Variants in CAGE1 observed in about 807,000 individuals in gnomAD.
CAGE1 encodes cancer antigen 1.
CAGE1 carries 66 observed loss-of-function variants against 94.9 expected under a neutral mutation model. The observed-to-expected ratio is 0.70, with a 90% CI of 0.57 to 0.85. The LOEUF (loss-of-function observed/expected upper bound fraction) is 0.85, where lower values mean the gene tolerates loss of function less well. CAGE1 is among the 40% of genes least tolerant of loss of function. The pLI is 0.00. For missense variants in CAGE1, 865 were observed against 950.4 expected, an observed-to-expected ratio of 0.91 and a Z score of 1.18; for synonymous variants, 319 against 321.0, an observed-to-expected ratio of 0.99 and a Z score of 0.07.
At position 7,362,454 on chromosome 6, in the gene CAGE1, A is replaced by G. The variant is rs1760196118; in HGVS notation, c.2193+3014T>C. 6.6e-6 allele frequency among the ~76,000 whole-genome samples: 1 copy of G among 152,142 alleles called. No individual in the cohort carries two copies. The highest frequency in any genetic ancestry group is 1.5e-5 in the Non-Finnish European group (1 of 68,040). On this transcript the variant is annotated intron_variant, in intron 9 of 13. Coordinates refer to ENST00000502583, the MANE Select transcript of CAGE1 (RefSeq NM_001170692.2). The surrounding 1 kb of genome is among the most constrained non-coding windows in gnomAD (Gnocchi z 4.1). ...GACCAGGAGACATTTTGCACTTGAC[A>G]GTTAAACACCCAGGATGCTTGAGCC... is the stretch of plus-strand genomic sequence containing the variant.
intron 9 of CAGE1, among the ~76,000 whole-genome samples, chr6:7,363,176 A>G (rs917356444): frequency 6.6e-6 from 1 of 152,178 alleles, no homozygotes; most frequent in Non-Finnish European, 1.5e-5. Context: ...AGGCTGAGGC[A>G]GGAGAATCGC....
At chr6:7,348,181 C>T (rs1270515190) in intron 11 of CAGE1, among the ~76,000 whole-genome samples, 1 of 152,188 alleles carries the variant, frequency 6.6e-6, no homozygotes, top group East Asian at 1.9e-4. Flanking sequence ...TTTCACCCCC[C>T]TGCCACGTCC....
intron 13 of CAGE1, among the ~76,000 whole-genome samples, chr6:7,327,881 G>C (rs990987890): frequency 7.2e-5 from 11 of 152,112 alleles, no homozygotes; most frequent in Non-Finnish European, 1.5e-4. Context: ...AGTGAGCCGA[G>C]ATTGCGCCAT....
chr6:7,382,250 T>C (rs1020579936), intron 3 of CAGE1, among the ~76,000 whole-genome samples: 1 of 152,126 alleles, frequency 6.6e-6, no homozygotes, highest in Non-Finnish European at 1.5e-5. Flanking sequence ...TATTATACTT[T>C]GGCCATACAG....
At position 7,373,096 on chromosome 6, in the gene CAGE1, C is replaced by T. The variant is rs763960552; in HGVS notation, c.1723G>A (p.Val575Ile). Residue 575 changes from valine to isoleucine, a missense_variant, in exon 5 of 14, where the codon GTC becomes ATC. Physicochemically the swap from Val to Ile is conservative, Grantham distance 29. Coordinates refer to ENST00000502583, the MANE Select transcript of CAGE1 (RefSeq NM_001170692.2). ...ACCTTGGTAATATCTGACTTCAAGA[C>T]TTCCTCTAATTGATCCTTTAACTGA... ...TAQLKDQLEE[V>I]LKSDITKDTK... 6.2e-7 allele frequency: 1 copy of T among 1,605,438 alleles called. No homozygotes were observed.
At chr6:7,345,541 C>T (rs1032593936) in intron 11 of CAGE1, among the ~76,000 whole-genome samples, 5 of 152,174 alleles carry the variant, frequency 3.3e-5, no homozygotes, top group Non-Finnish European at 5.9e-5. Context: ...AGTAAGCTAT[C>T]ACCAAGTAGT....
intron 11 of CAGE1, chr6:7,341,115 G>T: frequency 1.8e-6 from 1 of 553,188 alleles, no homozygotes. Context: ...GCTTGGCAGT[G>T]ATGTACTTGT....
chr6:7,350,402 C>T (rs1258578008), intron 11 of CAGE1, among the ~76,000 whole-genome samples: 1 of 152,136 alleles, frequency 6.6e-6, no homozygotes, highest in Non-Finnish European at 1.5e-5. Context: ...TACCTTGGAA[C>T]AAATGGACTT....
rs1761254457 is a variant in CAGE1, at chr6:7,389,355, G to A, written c.-177C>T. ...CCTCCCTCTGCACCGGGTTTTGTGGGAGGGAGAACGCTTTCCAACCTCCTC... is the reference window on the plus strand; with the variant it reads ...CCTCCCTCTGCACCGGGTTTTGTGGAAGGGAGAACGCTTTCCAACCTCCTC... On this transcript the variant is annotated 5_prime_UTR_variant, in exon 1 of 14. Transcript: ENST00000502583. The A allele has an allele frequency of 2.0e-5, 9 of 456,066 alleles. No homozygotes were observed. The highest frequency in any genetic ancestry group is 1.4e-4 in the South Asian group (9 of 64,564). The allele number at this position is 456,066 out of a possible 1,614,324, so 28.3% of individuals were successfully genotyped here.
chr6:7,364,257 C>A (rs1025309078), intron 9 of CAGE1, among the ~76,000 whole-genome samples: 5 of 152,176 alleles, frequency 3.3e-5, no homozygotes, highest in African/African-American at 1.2e-4. Context: ...CTCTTCCAGT[C>A]CTCGGACAAG....
At chr6:7,378,511 A>G (rs375585106) in intron 4 of CAGE1, 106 bp downstream of exon 4, 3 of 907,536 alleles carry the variant, frequency 3.3e-6, no homozygotes, top group South Asian at 2.3e-5. Flanking sequence ...GGCTTTACTG[A>G]CCATCACAAT....
intron 7 of CAGE1, among the ~76,000 whole-genome samples, chr6:7,367,437 G>A (rs1760384415): frequency 6.6e-6 from 1 of 151,994 alleles, no homozygotes; most frequent in Non-Finnish European, 1.5e-5. Context: ...ACCACGCCTG[G>A]CTAATTTTTG....
At chr6:7,344,309 G>C (rs552585725) in intron 11 of CAGE1, among the ~76,000 whole-genome samples, 2 of 152,204 alleles carry the variant, frequency 1.3e-5, no homozygotes, top group East Asian at 1.9e-4. Flanking sequence ...TCCCGCACTC[G>C]GAGCAGCCAG....
At chr6:7,361,313 T>C (rs1760157534) in intron 9 of CAGE1, among the ~76,000 whole-genome samples, 1 of 152,180 alleles carries the variant, frequency 6.6e-6, no homozygotes, top group South Asian at 2.1e-4. Context: ...CACAACTCAG[T>C]AAAAGCAATT....
chr6:7,340,676 G>A (rs7764495), intron 11 of CAGE1, among the ~76,000 whole-genome samples: 36,953 of 152,060 alleles, frequency 0.24, 4,706 homozygotes, highest in Middle Eastern at 0.29. Context: ...CTTCCTGGAG[G>A]AGCCCACAAT....
intron 12 of CAGE1, among the ~76,000 whole-genome samples, chr6:7,333,658 A>C (rs1305506255): frequency 0.019 from 2,137 of 112,452 alleles, 76 homozygotes; most frequent in African/African-American, 0.075. Flanking sequence ...ATATATATAT[A>C]TATATATATA....
At chr6:7,358,070 A>ATATATATATATATATATATATATT (rs1321838889) in intron 9 of CAGE1, among the ~76,000 whole-genome samples, 5 of 120,926 alleles carry the variant, frequency 4.1e-5, no homozygotes, top group Admixed American at 3.7e-4. Flanking sequence ...ATATATATAT[A>ATATATATATATATATATATATATT]TGCCTCCAAA....
At chr6:7,364,493 G>A (rs1354424990) in intron 9 of CAGE1, among the ~76,000 whole-genome samples, 1 of 152,068 alleles carries the variant, frequency 6.6e-6, no homozygotes, top group Non-Finnish European at 1.5e-5. Context: ...TTTTGAGACA[G>A]AGTCTTACTC....
chr6:7,327,955 A>G (rs1221878399), intron 13 of CAGE1, among the ~76,000 whole-genome samples: 1 of 148,596 alleles, frequency 6.7e-6, no homozygotes, highest in African/African-American at 2.6e-5. Context: ...AAATAAATAA[A>G]TAAATAACCA....
Sources: gnomAD v4.1 joint callset for allele counts (sites outside exome capture counted in the v4.1 genomes callset) on GRCh38, gnomAD v4.1.1 for gene constraint, Gnocchi (gnomAD v3.1) non-coding constraint, MANE v1.5 for transcripts, NCBI Gene and HGNC (gene_info 2026-07-23, HGNC 2026-07-21) for gene names.